The following CMC1 variants were observed in gnomAD, a reference collection of about 807,000 sequenced individuals.
The protein encoded by CMC1 is C-X9-C motif containing 1.
A neutral mutation model predicts 14.1 loss-of-function variants in CMC1; 14 were observed. The ratio of observed to expected loss-of-function variants is 0.99; its 90% CI spans 0.66 to 1.55. The LOEUF (loss-of-function observed/expected upper bound fraction) is 1.55. CMC1 is among the 40% of genes most tolerant of loss of function. The pLI is 0.00. For synonymous variants in CMC1, 50 were observed against 38.4 expected, an observed-to-expected ratio of 1.30 and a Z score of -1.12; for missense variants, 127 against 123.8, an observed-to-expected ratio of 1.03 and a Z score of -0.12.
At chr3:28,274,130 T>A (rs1413589779) in intron 2 of CMC1, among the ~76,000 whole-genome samples, 166 of 152,080 alleles carry the variant, frequency 1.1e-3, no homozygotes, top group Middle Eastern at 6.8e-3. Context: ...GGTCCTGCCA[T>A]CATGATGCTA....
intron 1 of CMC1, among the ~76,000 whole-genome samples, chr3:28,257,173 A>G (rs2125446238): frequency 6.6e-6 from 1 of 152,314 alleles, no homozygotes; most frequent in Non-Finnish European, 1.5e-5. Context: ...AATTGAGGTA[A>G]AATATACAGT....
chr3:28,311,997 T>A (rs1202520383), intron 2 of CMC1, among the ~76,000 whole-genome samples: 3 of 152,202 alleles, frequency 2.0e-5, no homozygotes, highest in Admixed American at 6.5e-5. Flanking sequence ...CAGATTCCTA[T>A]TTGTAGAGTT....
chr3:28,283,982 A>G (rs1024592205), intron 2 of CMC1, among the ~76,000 whole-genome samples: 3 of 152,206 alleles, frequency 2.0e-5, no homozygotes, highest in African/African-American at 4.8e-5. Flanking sequence ...TTTTCCTGGT[A>G]TACCTCCCAT....
intron 1 of CMC1, among the ~76,000 whole-genome samples, chr3:28,257,362 T>G (rs904844288): frequency 1.3e-5 from 2 of 152,176 alleles, no homozygotes; most frequent in Non-Finnish European, 2.9e-5. Context: ...TTTCTTTTGC[T>G]CAAATGTTTT....
intron 2 of CMC1, among the ~76,000 whole-genome samples, chr3:28,285,376 G>GAT (rs1305052155): frequency 5.6e-5 from 6 of 106,236 alleles, no homozygotes; most frequent in South Asian, 2.7e-4. Context: ...ATGAGATAAA[G>GAT]AGAGTTGATT....
rs1698896089 is a variant in CMC1, at chr3:28,247,655, T to G, written c.19+5843T>G. ...CCTAAAAATAATTTATCTGAATCTG[T>G]TAGGAATCTTAGTTGGATAGTAAGA... On this transcript the variant is annotated intron_variant, in intron 1 of 3. Transcript: ENST00000466830. Among the ~76,000 whole-genome samples the G allele has an allele frequency of 1.3e-5, 2 of 152,232 alleles. 1 individual carries two copies. Among genetic ancestry groups the G allele is most frequent in the South Asian group, 4.1e-4 (2 of 4,832 alleles).
Position 28,277,989 on chromosome 3 carries a change from A to G in CMC1, c.109+14609A>G, listed in dbSNP as rs145675516. On this transcript the variant is annotated intron_variant, in intron 2 of 3. Coordinates refer to ENST00000466830, the MANE Select transcript of CMC1 (RefSeq NM_182523.2). Reference sequence around the variant, plus strand: ...TGATTTATAATCAGCTCTCATTGCTATGTTAATAATAGGTGGAATAGGGAC... The same window carrying G: ...TGATTTATAATCAGCTCTCATTGCTGTGTTAATAATAGGTGGAATAGGGAC... 3.5e-3 allele frequency among the ~76,000 whole-genome samples: 408 copies of G among 115,444 alleles called. 1 individual carries two copies. Among genetic ancestry groups the G allele is most frequent in the Admixed American group, 5.8e-3 (66 of 11,404 alleles). 75.7% of individuals were successfully genotyped at this position (115,444 alleles called of 152,430 possible). A position where few individuals can be genotyped will look rare whatever the true frequency, so the allele number is the denominator to read the frequency against.
chr3:28,243,534 A>G lies in CMC1; in HGVS notation c.19+1722A>G, dbSNP rs547934649. 2.9e-4 allele frequency among the ~76,000 whole-genome samples: 44 copies of G among 152,346 alleles called. No individual in the cohort carries two copies. The South Asian group carries it at 7.0e-3, about 24-fold the overall frequency. On this transcript the variant is annotated intron_variant, in intron 1 of 3. Coordinates refer to ENST00000466830, the MANE Select transcript of CMC1 (RefSeq NM_182523.2). ...TCACTTGCTTACCTTCCAGTTACTCATAAGCCACTCCAATCTTGTGTTGTA... is the reference window on the plus strand; with the variant it reads ...TCACTTGCTTACCTTCCAGTTACTCGTAAGCCACTCCAATCTTGTGTTGTA...
chr3:28,267,753 C>T (rs1388772515), intron 2 of CMC1, among the ~76,000 whole-genome samples: 1 of 152,016 alleles, frequency 6.6e-6, no homozygotes, highest in African/African-American at 2.4e-5. Flanking sequence ...AGTGAATGAA[C>T]AAAAAACAAT....
chr3:28,283,551 C>CAAAAAAAAAAAAAAAAAAAAA (rs5847510), intron 2 of CMC1, among the ~76,000 whole-genome samples: 5 of 118,270 alleles, frequency 4.2e-5, no homozygotes, highest in African/African-American at 9.4e-5. Context: ...ACAACAAAAA[C>CAAAAAAAAAAAAAAAAAAAAA]AAAAAAAAAA....
intron 2 of CMC1, among the ~76,000 whole-genome samples, chr3:28,287,835 T>C (rs926689161): frequency 2.0e-5 from 3 of 152,004 alleles, no homozygotes; most frequent in Non-Finnish European, 4.4e-5. Context: ...TTTTTATGTG[T>C]TATTTTACAC....
At chr3:28,305,823 T>TA (rs1702279558) in intron 2 of CMC1, among the ~76,000 whole-genome samples, 1 of 134,234 alleles carries the variant, frequency 7.4e-6, no homozygotes, top group African/African-American at 2.7e-5. Flanking sequence ...TTTGAGGTCT[T>TA]ACGTTTAAGT....
At chr3:28,283,551 C>CAAAAAAAAAAAAAAAAAAAAAAAAAAAA (rs5847510) in intron 2 of CMC1, among the ~76,000 whole-genome samples, 1 of 118,280 alleles carries the variant, frequency 8.5e-6, no homozygotes, top group African/African-American at 3.1e-5. Flanking sequence ...ACAACAAAAA[C>CAAAAAAAAAAAAAAAAAAAAAAAAAAAA]AAAAAAAAAA....
At chr3:28,287,334 C>G (rs537331783) in intron 2 of CMC1, among the ~76,000 whole-genome samples, 6 of 152,108 alleles carry the variant, frequency 3.9e-5, no homozygotes, top group Non-Finnish European at 8.8e-5. Flanking sequence ...GCTACTGGCT[C>G]TCTAGTTTAA....
chr3:28,255,035 C>G (rs886919024), intron 1 of CMC1, among the ~76,000 whole-genome samples: 4 of 152,182 alleles, frequency 2.6e-5, no homozygotes, highest in African/African-American at 9.6e-5. Context: ...GAATTTCTCT[C>G]TTATCTGATC....
At chr3:28,242,850 A>T (rs1383339467) in intron 1 of CMC1, among the ~76,000 whole-genome samples, 1 of 152,140 alleles carries the variant, frequency 6.6e-6, no homozygotes, top group African/African-American at 2.4e-5. Context: ...TTAGCAGTTG[A>T]TCTGGGCTTT....
rs1446408344 is a variant in CMC1, at chr3:28,321,726, G to A, written c.*2097G>A. ...AGTCTGAATTTTCCCATTTATTTTG[G>A]TTTTCTAATGTTTCACATAGGCATG... On this transcript the variant is annotated 3_prime_UTR_variant, in exon 4 of 4. Transcript: ENST00000466830. The A allele has an allele frequency of 6.6e-6, 1 of 151,178 alleles. No individual in the cohort carries two copies. Among genetic ancestry groups the A allele is most frequent in the Non-Finnish European group, 1.5e-5 (1 of 67,452 alleles). 9.4% of individuals were successfully genotyped at this position (151,178 alleles called of 1,614,324 possible). A position where few individuals can be genotyped will look rare whatever the true frequency, so the allele number is the denominator to read the frequency against.
intron 2 of CMC1, among the ~76,000 whole-genome samples, chr3:28,282,683 C>T (rs1700960883): frequency 6.6e-6 from 1 of 152,064 alleles, no homozygotes; most frequent in Non-Finnish European, 1.5e-5. Flanking sequence ...TTCTAATCAA[C>T]ACCAGTAATT....
intron 2 of CMC1, among the ~76,000 whole-genome samples, chr3:28,283,075 G>A (rs2125524287): frequency 6.9e-6 from 1 of 144,912 alleles, no homozygotes; most frequent in South Asian, 2.1e-4. Flanking sequence ...TTCCTAGTCA[G>A]TGACATTGCC....
Sources: allele counts gnomAD v4.1 joint callset (sites outside exome capture counted in the v4.1 genomes callset), GRCh38; gene constraint gnomAD v4.1.1; transcripts MANE v1.5; gene names NCBI Gene and HGNC (gene_info 2026-07-23, HGNC 2026-07-21).